FBXO33: variants seen among roughly 807,000 people sequenced by gnomAD.
The protein encoded by FBXO33 is F-box only protein 33.
A neutral mutation model predicts 46.3 loss-of-function variants in FBXO33; 22 were observed. The ratio of observed to expected loss-of-function variants is 0.48; its 90% CI spans 0.34 to 0.68. The LOEUF (loss-of-function observed/expected upper bound fraction) is 0.68. Among genes scored for constraint, FBXO33 ranks in the 30% least tolerant of loss-of-function variants. The pLI is 0.01. For missense variants in FBXO33, 692 were observed against 708.8 expected, an observed-to-expected ratio of 0.98 and a Z score of 0.27; for synonymous variants, 337 against 291.3, an observed-to-expected ratio of 1.16 and a Z score of -1.60.
rs1042719930 is a variant in FBXO33, at chr14:39,432,114, T to C, written c.49A>G (p.Thr17Ala). The change falls in exon 1 of 4, where the codon ACC becomes GCC. Residue 17 changes from threonine to alanine, a missense_variant. Physicochemically the swap from Thr to Ala is moderately conservative, Grantham distance 58. Coordinates refer to ENST00000298097, the MANE Select transcript of FBXO33 (RefSeq NM_203301.4). ...VPQPRPPGAR[T>A]RAGAARVARW... ...GCCACCCGGGCGGCCCCGGCTCGGGTTCGAGCTCCCGGCGGTCGGGGCTGC... is the reference window on the plus strand; with the variant it reads ...GCCACCCGGGCGGCCCCGGCTCGGGCTCGAGCTCCCGGCGGTCGGGGCTGC... 8.0e-6 allele frequency: 10 copies of C among 1,243,250 alleles called. No individual in the cohort carries two copies. Among genetic ancestry groups the C allele is most frequent in the African/African-American group, 1.6e-5 (1 of 64,166 alleles). The allele number at this position is 1,243,250 out of a possible 1,614,324, so 77.0% of individuals were successfully genotyped here. A position where few individuals can be genotyped will look rare whatever the true frequency, so the allele number is the denominator to read the frequency against.
intron 1 of FBXO33, among the ~76,000 whole-genome samples, chr14:39,406,698 C>T (rs555306042): frequency 1.4e-4 from 22 of 152,230 alleles, no homozygotes; most frequent in African/African-American, 5.1e-4. Flanking sequence ...TTTGCAAAGA[C>T]TTCATATTAC....
At chr14:39,425,524 A>G (rs1187303602) in intron 1 of FBXO33, among the ~76,000 whole-genome samples, 1 of 152,244 alleles carries the variant, frequency 6.6e-6, no homozygotes, top group African/African-American at 2.4e-5. Context: ...TTTTTAAATT[A>G]ATAAAAGCTA....
intron 1 of FBXO33, among the ~76,000 whole-genome samples, chr14:39,410,888 G>C (rs772778301): frequency 4.6e-5 from 7 of 151,904 alleles, no homozygotes; most frequent in Admixed American, 2.0e-4. Context: ...CTTTCACTTC[G>C]AGTCTTTTTT....
intron 1 of FBXO33, among the ~76,000 whole-genome samples, chr14:39,423,434 T>C (rs1393405161): frequency 6.6e-6 from 1 of 152,118 alleles, no homozygotes; most frequent in East Asian, 1.9e-4. Flanking sequence ...ATAAGCCCAA[T>C]ATGAATGCCT....
At chr14:39,413,934 A>T (rs1283386239) in intron 1 of FBXO33, among the ~76,000 whole-genome samples, 1 of 152,230 alleles carries the variant, frequency 6.6e-6, no homozygotes, top group East Asian at 1.9e-4. Context: ...TAAGGGCCCT[A>T]GGACTTTTGG....
At position 39,432,007 on chromosome 14, in the gene FBXO33, GCCGGCTC is replaced by G; in HGVS notation, c.149_155del (p.Gly50AlafsTer24). On this transcript the variant is annotated frameshift_variant, in exon 1 of 4. Coordinates refer to ENST00000298097, the MANE Select transcript of FBXO33 (RefSeq NM_203301.4). LOFTEE classifies it high-confidence loss of function. ...GAGCCATCCGGCCCCGCCGCCGGCT[GCCGGCTC>G]CCGGCCGCCCCCGCAGTACCCGGAG... 4.9e-6 allele frequency: 7 copies of G among 1,416,878 alleles called. No homozygotes were observed. Among genetic ancestry groups the G allele is most frequent in the Admixed American group, 3.5e-5 (1 of 28,630 alleles). 87.8% of individuals were successfully genotyped at this position (1,416,878 alleles called of 1,614,324 possible). A position where few individuals can be genotyped will look rare whatever the true frequency, so the allele number is the denominator to read the frequency against.
At chr14:39,428,795 T>C (rs1337524601) in intron 1 of FBXO33, among the ~76,000 whole-genome samples, 7 of 152,192 alleles carry the variant, frequency 4.6e-5, no homozygotes, top group Non-Finnish European at 2.9e-5. Context: ...TATTTGTTGT[T>C]TGCACTTCTA....
chr14:39,410,792 G>C (rs774169980), intron 1 of FBXO33, among the ~76,000 whole-genome samples: 5 of 152,052 alleles, frequency 3.3e-5, no homozygotes, highest in Non-Finnish European at 7.4e-5. Context: ...TATTCTTCTA[G>C]ATTATTCAAT....
At position 39,432,260 on chromosome 14, in the gene FBXO33, C is replaced by A. The variant is rs1036309842; in HGVS notation, c.-98G>T. 76 of 1,044,516 alleles carry A rather than the reference C, an allele frequency of 7.3e-5. No individual in the cohort carries two copies. The highest frequency in any genetic ancestry group is 8.7e-5 in the Non-Finnish European group (73 of 837,198). 64.7% of individuals were successfully genotyped at this position (1,044,516 alleles called of 1,614,324 possible). On this transcript the variant is annotated 5_prime_UTR_variant, in exon 1 of 4. Transcript: ENST00000298097. ...GGGGGAAAGGCCTCTGCGGGCGTGG[C>A]CTGCCGGGAGCCAGCCTCTGTCTTC...
At chr14:39,425,701 A>C (rs143943657) in intron 1 of FBXO33, among the ~76,000 whole-genome samples, 75 of 152,294 alleles carry the variant, frequency 4.9e-4, no homozygotes, top group African/African-American at 1.7e-3. Flanking sequence ...GAACACAAAT[A>C]GTTTAGAGAT....
chr14:39,413,978 G>A (rs991587026), intron 1 of FBXO33, among the ~76,000 whole-genome samples: 7 of 152,178 alleles, frequency 4.6e-5, no homozygotes, highest in African/African-American at 1.4e-4. Flanking sequence ...AACTTAAAGT[G>A]ACCAGATGCA....
intron 1 of FBXO33, among the ~76,000 whole-genome samples, chr14:39,421,780 TCACACA>T (rs10582893): frequency 0.086 from 12,750 of 149,058 alleles, 609 homozygotes; most frequent in African/African-American, 0.13. Context: ...TGAGTACAAA[TCACACA>T]CACACACACA....
At chr14:39,430,069 A>C (rs984806161) in intron 1 of FBXO33, among the ~76,000 whole-genome samples, 1 of 152,182 alleles carries the variant, frequency 6.6e-6, no homozygotes, top group Admixed American at 6.5e-5. Context: ...ATTGGTACTC[A>C]CTCATTGAAT....
chr14:39,410,028 T>C (rs1037497392), intron 1 of FBXO33, among the ~76,000 whole-genome samples: 4 of 152,200 alleles, frequency 2.6e-5, no homozygotes, highest in Non-Finnish European at 5.9e-5. Context: ...TTTATTTTTC[T>C]TCCCTAATTG....
intron 1 of FBXO33, among the ~76,000 whole-genome samples, chr14:39,412,018 AG>A (rs1276322913): frequency 2.0e-5 from 3 of 152,198 alleles, no homozygotes; most frequent in Non-Finnish European, 4.4e-5. Flanking sequence ...GTGCTTGAGA[AG>A]AATGTGTATT....
Position 39,401,523 on chromosome 14 carries a change from G to T in FBXO33, c.1049C>A (p.Ser350Tyr). 1 of 1,614,152 alleles carries T rather than the reference G, an allele frequency of 6.2e-7. No individual in the cohort carries two copies. The highest frequency in any genetic ancestry group is 1.1e-5 in the South Asian group (1 of 91,064). ...CTCATCATTTGGCATGTTGTCCAGA[G>T]ACTTGTGCATTACAGAAACATTGTG... The part of the protein sequence containing the change: ...LVHNVSVMHK[S>Y]LDNMPNDEHW... The change falls in exon 3 of 4, where the codon TCT (serine) becomes TAT (tyrosine). Residue 350 changes from serine to tyrosine, a missense_variant. Coordinates refer to ENST00000298097, the MANE Select transcript of FBXO33 (RefSeq NM_203301.4).
chr14:39,411,957 A>C (rs1174526614), intron 1 of FBXO33, among the ~76,000 whole-genome samples: 1 of 152,166 alleles, frequency 6.6e-6, no homozygotes, highest in African/African-American at 2.4e-5. Context: ...AAATTTGTTA[A>C]GACTTGTTTT....
chr14:39,425,052 A>G (rs1435769070), intron 1 of FBXO33, among the ~76,000 whole-genome samples: 3 of 151,092 alleles, frequency 2.0e-5, no homozygotes, highest in Non-Finnish European at 4.4e-5. Flanking sequence ...CTCCATCTCA[A>G]AAAAAAAAAG....
In FBXO33 at chr14:39,408,867, C is replaced by G. The variant is rs186513006; in HGVS notation, c.600-6356G>C. Among the ~76,000 whole-genome samples, 29 of 152,070 alleles carry G rather than the reference C, an allele frequency of 1.9e-4. No individual in the cohort carries two copies. In the East Asian group the frequency reaches 4.9e-3, roughly 26 times the overall value. ...CATGGCTTACTGTAGCCTTGATCTC[C>G]TGGGCTCAATGGATCCTCCCACCTG... is the stretch of plus-strand genomic sequence containing the variant. On this transcript the variant is annotated intron_variant, in intron 1 of 3. Coordinates refer to ENST00000298097, the MANE Select transcript of FBXO33 (RefSeq NM_203301.4).
Sources: gnomAD v4.1 joint callset for allele counts (sites outside exome capture counted in the v4.1 genomes callset) on GRCh38, gnomAD v4.1.1 for gene constraint, MANE v1.5 for transcripts, NCBI Gene and HGNC (gene_info 2026-07-23, HGNC 2026-07-21) for gene names.